The following P2RX3 variants were observed in gnomAD, a reference collection of about 807,000 sequenced individuals.
P2RX3 encodes the protein purinergic receptor P2X 3, also known as P2X purinoceptor 3.
Under a neutral mutation model 51.5 loss-of-function variants are expected in P2RX3, and 41 were observed. That is an observed-to-expected ratio of 0.80 (90% CI 0.62 to 1.03). The LOEUF (loss-of-function observed/expected upper bound fraction) is 1.03. Among genes scored for constraint, P2RX3 ranks in the 50% least tolerant of loss-of-function variants. The pLI, the probability that P2RX3 is intolerant of heterozygous loss-of-function variation, is 0.00. For synonymous variants in P2RX3, 185 were observed against 191.6 expected (o/e 0.97, Z 0.29); for missense variants, 459 against 522.1 (o/e 0.88, Z 1.18).
At chr11:57,340,846 A>G (rs1328451059) in intron 1 of P2RX3, 1 of 152,338 alleles carries the variant, frequency 6.6e-6, no homozygotes, top group Non-Finnish European at 1.5e-5. Context: ...CCCAGGTGAA[A>G]GAGGGAAGGA....
chr11:57,363,874 C>T (rs1418032990), intron 8 of P2RX3, among the ~76,000 whole-genome samples: 1 of 152,198 alleles, frequency 6.6e-6, no homozygotes, highest in East Asian at 1.9e-4. Context: ...TGCCAACCCT[C>T]CTCAGAGGGT....
In P2RX3 at chr11:57,369,940, C is replaced by T. The variant is rs1157554797; in HGVS notation, c.1137C>T (p.Asp379=). 2 of 1,614,112 alleles carry T rather than the reference C, an allele frequency of 1.2e-6. No homozygotes were observed. Among genetic ancestry groups the T allele is most frequent in the East Asian group, 2.2e-5 (1 of 44,872 alleles). ...TGACCAACCCAGTGTACCCCAGCGA[C>T]CAGACCACAGCGGAGAAGCAGTCCA... is the stretch of plus-strand genomic sequence containing the variant. ...AALTNPVYPS[D]QTTAEKQSTD... Residue 379 remains aspartate (D), a synonymous_variant, in exon 12 of 12, where the codon GAC becomes GAT. Coordinates refer to ENST00000263314, the MANE Select transcript of P2RX3 (RefSeq NM_002559.5).
At chr11:57,367,795 G>A (rs1028418331) in intron 8 of P2RX3, among the ~76,000 whole-genome samples, 1 of 152,174 alleles carries the variant, frequency 6.6e-6, no homozygotes, top group African/African-American at 2.4e-5. Flanking sequence ...GGTTCAGGGT[G>A]GAGCTCAGGA....
chr11:57,353,313 C>A (rs1856576484), intron 8 of P2RX3, among the ~76,000 whole-genome samples: 1 of 152,222 alleles, frequency 6.6e-6, no homozygotes, highest in African/African-American at 2.4e-5. Flanking sequence ...TTCAGCTCAG[C>A]ATTCCTTGCA....
chr11:57,368,303 G>C, intron 9 of P2RX3, 69 bp from the exon 10 acceptor site: 1 of 1,552,318 alleles, frequency 6.4e-7, no homozygotes, highest in Non-Finnish European at 8.9e-7. Flanking sequence ...CTGGCGCCAC[G>C]TGCAGCCTCG....
intron 11 of P2RX3, 64 bp downstream of exon 11, chr11:57,369,502 AC>A (rs1025179857): frequency 7.4e-6 from 11 of 1,481,204 alleles, no homozygotes; most frequent in Non-Finnish European, 1.0e-5. Flanking sequence ...AGGGGCAGGG[AC>A]TCTCAGTGGC....
rs1300868306 is a variant in P2RX3 at position 57,369,890 on chromosome 11, G to C, written c.1087G>C (p.Glu363Gln). 1 of 1,610,814 alleles carries C rather than the reference G, an allele frequency of 6.2e-7. No homozygotes were observed. Among genetic ancestry groups the C allele is most frequent in the African/African-American group, 1.3e-5 (1 of 74,898 alleles). Residue 363 changes from glutamate (E) to glutamine (Q), a missense_variant, in exon 12 of 12, where the codon GAG becomes CAG. Transcript: ENST00000263314. ...YKAKKFEEVN[E>Q]TTLKIAALTN... ...CCAGCTCTTTCGCCTGCAGGTGAAT[G>C]AGACTACGCTGAAAATCGCGGCTTT...
intron 11 of P2RX3, 52 bp from the exon 12 acceptor site, chr11:57,369,832 G>C (rs1309262347): frequency 5.4e-6 from 7 of 1,300,046 alleles, no homozygotes; most frequent in Non-Finnish European, 7.8e-6. Context: ...GGTCACAAAA[G>C]AGGACATTGC....
At chr11:57,336,138 G>T (rs1253741334), upstream of P2RX3, among the ~76,000 whole-genome samples, 1 of 152,194 alleles carries the variant, frequency 6.6e-6, no homozygotes, top group East Asian at 1.9e-4. Flanking sequence ...GTGGGGTGGG[G>T]GTGTGTATTG....
Position 57,370,817 on chromosome 11 carries a change from G to A in P2RX3, c.*820G>A, listed in dbSNP as rs1240281042. The stretch of plus-strand genomic sequence containing the variant: ...GGACCCCACACCCACACACATCTGG[G>A]CCCCCTCACTCTGGGGATTTGATTC... On this transcript the variant is annotated 3_prime_UTR_variant, in exon 12 of 12. Transcript: ENST00000263314. 6.6e-6 allele frequency among the ~76,000 whole-genome samples: 1 copy of A among 152,110 alleles called. No homozygotes were observed. The highest frequency in any genetic ancestry group is 1.5e-5 in the Non-Finnish European group (1 of 68,004).
chr11:57,352,015 A>G, intron 8 of P2RX3, among the ~76,000 whole-genome samples: 1 of 152,216 alleles, frequency 6.6e-6, no homozygotes, highest in Non-Finnish European at 1.5e-5. Context: ...TAGAACAAAT[A>G]GGGAGTGACC....
rs11823364 is a variant in P2RX3, at chr11:57,345,878, C to G, written c.120-666C>G. On this transcript the variant is annotated intron_variant, in intron 1 of 11. Coordinates refer to ENST00000263314, the MANE Select transcript of P2RX3 (RefSeq NM_002559.5). ...ACTCTTCCCTCCCTCCTCCCCCAGC[C>G]CCCCCACCTTCAACCGAGCTCCTTT... Among the ~76,000 whole-genome samples the G allele has an allele frequency of 5.1e-3, 769 of 150,776 alleles. 6 individuals are homozygous for G. Among genetic ancestry groups the G allele is most frequent in the African/African-American group, 0.018 (729 of 40,626 alleles).
At chr11:57,341,111 A>G (rs1856331274) in intron 1 of P2RX3, among the ~76,000 whole-genome samples, 1 of 152,122 alleles carries the variant, frequency 6.6e-6, no homozygotes, top group Non-Finnish European at 1.5e-5. Context: ...GTGTGTGTGC[A>G]CGTGAGTTTG....
Position 57,371,962 on chromosome 11 carries a change from G to T in P2RX3, c.*1965G>T, listed in dbSNP as rs949008068. Reference sequence around the variant, plus strand: ...TAGGTGCCTCCGCCCCTCTGGAGCCGGCCAGCAAGTGTGTGTGAGCCTGAG... The same window carrying T: ...TAGGTGCCTCCGCCCCTCTGGAGCCTGCCAGCAAGTGTGTGTGAGCCTGAG... On this transcript the variant is annotated 3_prime_UTR_variant, in exon 12 of 12. Coordinates refer to ENST00000263314, the MANE Select transcript of P2RX3 (RefSeq NM_002559.5). Among the ~76,000 whole-genome samples the T allele has an allele frequency of 6.8e-6, 1 of 146,368 alleles. No individual in the cohort carries two copies. Among genetic ancestry groups the T allele is most frequent in the African/African-American group, 2.5e-5 (1 of 40,292 alleles).
At chr11:57,360,782 C>T (rs1465403348) in intron 8 of P2RX3, among the ~76,000 whole-genome samples, 55 of 134,366 alleles carry the variant, frequency 4.1e-4, no homozygotes, top group African/African-American at 1.3e-3. Context: ...GGTGACAGAG[C>T]GAGACTCTGT....
chr11:57,365,919 CT>C (rs1856790623), intron 8 of P2RX3, among the ~76,000 whole-genome samples: 1 of 152,190 alleles, frequency 6.6e-6, no homozygotes, highest in East Asian at 1.9e-4. Flanking sequence ...GCAAATATCC[CT>C]GTCAGGAGCA....
At chr11:57,367,530 G>A (rs756731666) in intron 8 of P2RX3, among the ~76,000 whole-genome samples, 5 of 152,128 alleles carry the variant, frequency 3.3e-5, no homozygotes, top group Non-Finnish European at 7.4e-5. Context: ...AGACCAGACT[G>A]GCCAACATGG....
Position 57,369,767 on chromosome 11 carries a change from C to A in P2RX3, c.1081-117C>A, listed in dbSNP as rs1293542875. 1.6e-5 allele frequency: 12 copies of A among 742,998 alleles called. No individual in the cohort carries two copies. In the African/African-American group the frequency reaches 1.7e-4, roughly 11 times the overall value. The allele number at this position is 742,998 out of a possible 1,614,324, so 46.0% of individuals were successfully genotyped here. ...AGGGGCCTTGGGATCACACAGATGT[C>A]CTGGCTCCCCTCATGACTAGGTCAT... On this transcript the variant is annotated intron_variant, in intron 11 of 11. Transcript: ENST00000263314.
At chr11:57,353,298 T>C (rs115170307) in intron 8 of P2RX3, among the ~76,000 whole-genome samples, 1,679 of 152,304 alleles carry the variant, frequency 0.011, 36 homozygotes, top group African/African-American at 0.038. Flanking sequence ...AAACGTTTTG[T>C]GTGCTTCAGC....
Sources: allele counts gnomAD v4.1 joint callset (sites outside exome capture counted in the v4.1 genomes callset), GRCh38; gene constraint gnomAD v4.1.1; transcripts MANE v1.5; gene names NCBI Gene and HGNC (gene_info 2026-07-23, HGNC 2026-07-21).